MACF1: variants seen among roughly 807,000 people sequenced by gnomAD.
MACF1 encodes microtubule actin crosslinking factor 1.
In MACF1, 193 loss-of-function variants were observed where a neutral mutation model predicts 854.8. That is an observed-to-expected ratio of 0.23 (90% confidence interval 0.20 to 0.25). The LOEUF (loss-of-function observed/expected upper bound fraction) is 0.25. Among genes scored for constraint, MACF1 ranks in the 10% least tolerant of loss-of-function variants. The pLI, the probability that MACF1 is intolerant of heterozygous loss-of-function variation, is 1.00. For missense variants in MACF1, 7,722 were observed against 8,929.1 expected (o/e 0.86, Z 5.45); for synonymous variants, 3,185 against 3,226.7 (o/e 0.99, Z 0.44).
chr1:39,318,592 T>C lies in MACF1; in HGVS notation c.3922T>C (p.Ser1308Pro). 6.2e-7 allele frequency: 1 copy of C among 1,612,674 alleles called. No homozygotes were observed. The highest frequency in any genetic ancestry group is 1.3e-5 in the African/African-American group (1 of 74,996). The part of the protein sequence containing the change: ...PGQAEDSRVL[S>P]EQLSQQTALF... ...CCAGGCAGAGGATAGCAGAGTGCTT[T>C]CGGAGCAGCTCAGCCAGCAGACGGT... Residue 1308 changes from serine (S) to proline (P), a missense_variant, in exon 30 of 101, where the codon TCG (serine) becomes CCG (proline). Physicochemically the swap from Ser to Pro is moderately conservative, Grantham distance 74. This residue lies in a region of MACF1 where 1,137 missense variants were observed against 1,263.0 expected (regional missense o/e 0.90). Coordinates refer to ENST00000564288, the MANE Select transcript of MACF1 (RefSeq NM_001394062.1).
intron 1 of MACF1, among the ~76,000 whole-genome samples, chr1:39,209,811 A>C (rs1157965549): frequency 6.6e-6 from 1 of 152,094 alleles, no homozygotes; most frequent in Non-Finnish European, 1.5e-5. Flanking sequence ...TCCTAGAGCC[A>C]GGCATGGTGG....
intron 49 of MACF1, among the ~76,000 whole-genome samples, chr1:39,363,040 A>G (rs1361970776): frequency 1.3e-5 from 2 of 152,158 alleles, no homozygotes; most frequent in South Asian, 4.1e-4. Flanking sequence ...CCAATAACAA[A>G]CCTGCTAAAT....
At chr1:39,266,829 TA>T (rs1645238539) in intron 6 of MACF1, among the ~76,000 whole-genome samples, 3 of 152,006 alleles carry the variant, frequency 2.0e-5, no homozygotes, top group South Asian at 4.2e-4. Context: ...GATACTATAC[TA>T]AAAAAAATTG....
At chr1:39,289,693 CTTTTTTTTTTTT>C (rs58188740) in intron 15 of MACF1, among the ~76,000 whole-genome samples, 21 of 28,966 alleles carry the variant, frequency 7.2e-4, no homozygotes, top group South Asian at 6.4e-3. Context: ...GTGGGTTGTC[CTTTTTTTTTTTT>C]TTTTTTTTTT....
chr1:39,114,098 G>C (rs1016505140), intron 2 of MACF1, among the ~76,000 whole-genome samples: 1 of 149,142 alleles, frequency 6.7e-6, no homozygotes, highest in Non-Finnish European at 1.5e-5. Context: ...CTGTTGGTCA[G>C]CTTGCCTCTC....
chr1:39,120,665 A>G (rs886782098), intron 2 of MACF1, among the ~76,000 whole-genome samples: 6 of 152,196 alleles, frequency 3.9e-5, no homozygotes, highest in Non-Finnish European at 8.8e-5. Flanking sequence ...CCCGGCCAAC[A>G]ATGCAAACTT....
chr1:39,156,534 G>A (rs754621284), intron 2 of MACF1, among the ~76,000 whole-genome samples: 3 of 152,140 alleles, frequency 2.0e-5, no homozygotes, highest in African/African-American at 7.2e-5. Flanking sequence ...TGGGAGTATC[G>A]CTTGAGCCTG....
At position 39,485,544 on chromosome 1, in the gene MACF1, A is replaced by T. The variant is rs765628966; in HGVS notation, c.22418A>T (p.Lys7473Ile). 1 of 1,612,250 alleles carries T rather than the reference A, an allele frequency of 6.2e-7. No individual in the cohort carries two copies. Among genetic ancestry groups the T allele is most frequent in the South Asian group, 1.1e-5 (1 of 91,016 alleles). ...TTTTATTCTTGAATTCCAGACCCTA[A>T]AAAGTCTGCCAGTCGCCCTGGGAGT... ...TGAKTNRADP[K>I]KSASRPGSRA... The change falls in exon 101 of 101, where the codon AAA becomes ATA. Residue 7473 changes from lysine to isoleucine, a missense_variant. This residue lies in a region of MACF1 where 185 missense variants were observed against 225.7 expected (regional missense o/e 0.82). Coordinates refer to ENST00000564288, the MANE Select transcript of MACF1 (RefSeq NM_001394062.1).
intron 97 of MACF1, among the ~76,000 whole-genome samples, chr1:39,478,238 G>A (rs756268856): frequency 2.6e-5 from 4 of 152,026 alleles, no homozygotes; most frequent in Non-Finnish European, 5.9e-5. Context: ...CCTGGCCTCA[G>A]GTGATCTACC....
intron 99 of MACF1, 101 bp from the exon 100 acceptor site, chr1:39,484,500 A>T: frequency 9.8e-7 from 1 of 1,019,182 alleles, no homozygotes; most frequent in Non-Finnish European, 1.5e-6. Context: ...TTTGCTTTTC[A>T]ACTAAGCAAA....
At chr1:39,234,781 T>A (rs1443131209) in intron 2 of MACF1, among the ~76,000 whole-genome samples, 3 of 106,666 alleles carry the variant, frequency 2.8e-5, no homozygotes, top group East Asian at 3.2e-4. Context: ...GTCTCCTCAC[T>A]TCTCAGACGG....
At position 39,333,030 on chromosome 1, in the gene MACF1, A is replaced by C. The variant is rs1290955068; in HGVS notation, c.6442A>C (p.Lys2148Gln). 6.2e-7 allele frequency: 1 copy of C among 1,614,126 alleles called. No homozygotes were observed. The highest frequency in any genetic ancestry group is 1.7e-5 in the Admixed American group (1 of 60,018). The change falls in exon 37 of 101, where the codon AAA becomes CAA. Residue 2148 changes from lysine to glutamine, a missense_variant. Physicochemically the swap from Lys to Gln is moderately conservative, Grantham distance 53 (BLOSUM62 1). Around this residue, in one of 15 missense-constraint regions of MACF1, gnomAD observed 1,531 missense variants for 1,601.6 expected, o/e 0.96. Coordinates refer to ENST00000564288, the MANE Select transcript of MACF1 (RefSeq NM_001394062.1). ...GGAAGGTGTGCCGTTGGTGGTTGAC[A>C]AAGATGTTTTTTCTGTTGAAACACC... ...EAEGVPLVVD[K>Q]DVFSVETPKK...
In MACF1 at chr1:39,336,624, G is replaced by A. The variant is rs1314131014; in HGVS notation, c.10036G>A (p.Val3346Ile). ...ACCTGAAGGAAAGGGAAATGGAGGTGTAAACCCAGAGCCCTTCAGAGCAAC... is the reference window on the plus strand; with the variant it reads ...ACCTGAAGGAAAGGGAAATGGAGGTATAAACCCAGAGCCCTTCAGAGCAAC... ...TAPEGKGNGG[V>I]NPEPFRATQN... Residue 3346 changes from valine (V) to isoleucine (I), a missense_variant, in exon 37 of 101, where the codon GTA (valine) becomes ATA (isoleucine). Physicochemically the swap from Val to Ile is conservative, Grantham distance 29 (BLOSUM62 3). Around this residue, in one of 15 missense-constraint regions of MACF1, gnomAD observed 854 missense variants for 852.6 expected, o/e 1.00. Transcript: ENST00000564288. 1.2e-6 allele frequency: 2 copies of A among 1,612,642 alleles called. No homozygotes were observed. The highest frequency in any genetic ancestry group is 4.5e-5 in the East Asian group (2 of 44,862).
At position 39,435,571 on chromosome 1, in the gene MACF1, C is replaced by T. The variant is rs1643956508; in HGVS notation, c.17798C>T (p.Ser5933Phe). Residue 5933 changes from serine (S) to phenylalanine (F), a missense_variant, in exon 70 of 101, where the codon TCT becomes TTT. This residue lies in a region of MACF1 where 2,807 missense variants were observed against 3,235.8 expected (regional missense o/e 0.87). Coordinates refer to ENST00000564288, the MANE Select transcript of MACF1 (RefSeq NM_001394062.1). ...TTTTTTACCTAGCAATTAAGGGAATCTATTGCTGAACACAAACCTCATATT... is the reference window on the plus strand; with the variant it reads ...TTTTTTACCTAGCAATTAAGGGAATTTATTGCTGAACACAAACCTCATATT... The part of the protein sequence containing the change: ...QQEEMRQLRE[S>F]IAEHKPHIDK... 1 of 1,612,824 alleles carries T rather than the reference C, an allele frequency of 6.2e-7. No individual in the cohort carries two copies.
intron 2 of MACF1, among the ~76,000 whole-genome samples, chr1:39,092,242 C>T (rs920828320): frequency 2.0e-5 from 3 of 152,170 alleles, no homozygotes. Flanking sequence ...GAAGAGAGAA[C>T]AGCTGGTGAG....
chr1:39,131,103 C>G (rs1642989857), intron 2 of MACF1, among the ~76,000 whole-genome samples: 1 of 149,690 alleles, frequency 6.7e-6, no homozygotes, highest in African/African-American at 2.4e-5. Flanking sequence ...CCACCCACCT[C>G]AGCCTCCCAA....
At chr1:39,088,483 T>A (rs1222198682) in intron 2 of MACF1, among the ~76,000 whole-genome samples, 1 of 152,236 alleles carries the variant, frequency 6.6e-6, no homozygotes, top group Non-Finnish European at 1.5e-5. Flanking sequence ...CACACTCACC[T>A]GAGAGACTTG....
intron 38 of MACF1, among the ~76,000 whole-genome samples, chr1:39,339,422 G>A (rs1364702729): frequency 6.6e-6 from 1 of 152,180 alleles, no homozygotes; most frequent in Non-Finnish European, 1.5e-5. Context: ...CCTAGTAACT[G>A]CCACAGGGAG....
At chr1:39,223,805 C>T (rs551331784) in intron 1 of MACF1, among the ~76,000 whole-genome samples, 1 of 152,272 alleles carries the variant, frequency 6.6e-6, no homozygotes, top group South Asian at 2.1e-4. Flanking sequence ...GTGGGAGCCA[C>T]TGCACCCAGC....
Sources: gnomAD v4.1 joint callset for allele counts (sites outside exome capture counted in the v4.1 genomes callset) on GRCh38, gnomAD v4.1.1 for gene constraint, gnomAD v4.1.1 regional missense constraint, MANE v1.5 for transcripts, NCBI Gene and HGNC (gene_info 2026-07-23, HGNC 2026-07-21) for gene names.